The following FSTL5 variants were observed in gnomAD, a reference collection of about 807,000 sequenced individuals.
FSTL5 encodes follistatin like 5.
Under a neutral mutation model 89.1 loss-of-function variants are expected in FSTL5, and 62 were observed. The ratio of observed to expected loss-of-function variants is 0.70; its 90% CI spans 0.57 to 0.86. The LOEUF is 0.86. Ranked by LOEUF, FSTL5 falls within the 40% of genes least tolerant of loss-of-function variation. FSTL5 has a pLI of 0.00. For missense variants in FSTL5, 1,057 were observed against 1,001.6 expected (o/e 1.06, Z -0.75); for synonymous variants, 383 against 346.2 (o/e 1.11, Z -1.18).
intron 6 of FSTL5, among the ~76,000 whole-genome samples, chr4:161,721,279 C>T (rs866946134): frequency 6.0e-4 from 51 of 85,688 alleles, no homozygotes; most frequent in South Asian, 1.4e-3. Flanking sequence ...AGCGAGACTC[C>T]GTCTCAAAAA....
At chr4:161,667,420 T>C (rs1428224880) in intron 6 of FSTL5, among the ~76,000 whole-genome samples, 2 of 152,068 alleles carry the variant, frequency 1.3e-5, no homozygotes, top group Middle Eastern at 3.2e-3. Flanking sequence ...CTGTATGACT[T>C]TGAAAAATTC....
At chr4:161,404,353 T>C (rs559974867) in intron 15 of FSTL5, among the ~76,000 whole-genome samples, 1 of 152,278 alleles carries the variant, frequency 6.6e-6, no homozygotes, top group Non-Finnish European at 1.5e-5. Flanking sequence ...TTGAGAATTC[T>C]TAATGTATAG....
At chr4:161,477,184 T>C (rs1200795823) in intron 13 of FSTL5, among the ~76,000 whole-genome samples, 1 of 151,780 alleles carries the variant, frequency 6.6e-6, no homozygotes. Context: ...ATATTTTACT[T>C]TATTTTGATA....
intron 6 of FSTL5, among the ~76,000 whole-genome samples, chr4:161,723,754 C>G (rs1038009908): frequency 6.6e-6 from 1 of 152,094 alleles, no homozygotes; most frequent in African/African-American, 2.4e-5. Flanking sequence ...GATTTCTACA[C>G]AGATGTTTTC....
intron 2 of FSTL5, among the ~76,000 whole-genome samples, chr4:162,049,503 T>A (rs1738311429): frequency 6.6e-6 from 1 of 152,152 alleles, no homozygotes; most frequent in Non-Finnish European, 1.5e-5. Flanking sequence ...TTGAAAGAAT[T>A]CAAAGGTACA....
chr4:161,591,745 G>A (rs1255502873), intron 7 of FSTL5, among the ~76,000 whole-genome samples: 1 of 152,150 alleles, frequency 6.6e-6, no homozygotes, highest in South Asian at 2.1e-4. Context: ...TTATAAAGCA[G>A]TTATCTGTAT....
At chr4:161,514,616 A>G (rs1423407876) in intron 10 of FSTL5, among the ~76,000 whole-genome samples, 1 of 152,168 alleles carries the variant, frequency 6.6e-6, no homozygotes, top group East Asian at 1.9e-4. Context: ...ATAAAAGTGA[A>G]ATTTTTTAAA....
At chr4:161,612,349 T>G (rs1460866558) in intron 7 of FSTL5, among the ~76,000 whole-genome samples, 2 of 152,202 alleles carry the variant, frequency 1.3e-5, no homozygotes, top group African/African-American at 4.8e-5. Context: ...TTTATTTCAA[T>G]CAAAGTATCC....
chr4:161,736,427 G>A (rs1049755153), intron 6 of FSTL5, among the ~76,000 whole-genome samples: 2 of 152,084 alleles, frequency 1.3e-5, no homozygotes, highest in Non-Finnish European at 2.9e-5. Context: ...TACCACTTAA[G>A]AAGCAGTTTT....
chr4:161,429,283 G>A (rs1732272365), intron 15 of FSTL5, among the ~76,000 whole-genome samples: 1 of 152,178 alleles, frequency 6.6e-6, no homozygotes, highest in Non-Finnish European at 1.5e-5. Flanking sequence ...AGGGCTGGGG[G>A]AAACTCACTG....
At chr4:161,594,281 A>G (rs944345945) in intron 7 of FSTL5, among the ~76,000 whole-genome samples, 1 of 152,158 alleles carries the variant, frequency 6.6e-6, no homozygotes, top group Non-Finnish European at 1.5e-5. Context: ...ATATATGTGA[A>G]TGGCATTTGT....
In FSTL5 at chr4:162,026,304, C is replaced by CTTTTTTTTTTTTTTTTT. The variant is rs397996028; in HGVS notation, c.160+7320_160+7321insAAAAAAAAAAAAAAAAA. ...TTTCAGGAGACAGCTTATGTATTTT[C>CTTTTTTTTTTTTTTTTT]TTTTTTTTTTTTTTTCTTTTTGAGA... On this transcript the variant is annotated intron_variant, in intron 3 of 15. Coordinates refer to ENST00000306100, the MANE Select transcript of FSTL5 (RefSeq NM_020116.5). Among the ~76,000 whole-genome samples the CTTTTTTTTTTTTTTTTT allele has an allele frequency of 3.7e-3, 295 of 79,482 alleles. 113 individuals carry two copies. Among genetic ancestry groups the CTTTTTTTTTTTTTTTTT allele is most frequent in the South Asian group, 4.3e-3 (8 of 1,846 alleles). The allele number at this position is 79,482 out of a possible 152,430, so 52.1% of individuals were successfully genotyped here. A position where few individuals can be genotyped will look rare whatever the true frequency, so the allele number is the denominator to read the frequency against.
intron 3 of FSTL5, among the ~76,000 whole-genome samples, chr4:161,937,794 C>A (rs569877617): frequency 6.6e-6 from 1 of 152,268 alleles, no homozygotes; most frequent in South Asian, 2.1e-4. Flanking sequence ...AACTTAGAAG[C>A]CAAAGATCAG....
At chr4:161,878,900 C>T (rs1732537262) in intron 4 of FSTL5, among the ~76,000 whole-genome samples, 1 of 152,118 alleles carries the variant, frequency 6.6e-6, no homozygotes, top group African/African-American at 2.4e-5. Context: ...TCATTCCCAG[C>T]TTACATATGA....
chr4:161,959,305 A>G (rs1204924766), intron 3 of FSTL5, among the ~76,000 whole-genome samples: 1 of 152,126 alleles, frequency 6.6e-6, no homozygotes, highest in Non-Finnish European at 1.5e-5. Flanking sequence ...TTGATTTAAG[A>G]TACATATTTC....
chr4:161,418,267 C>T (rs1048583615), intron 15 of FSTL5, among the ~76,000 whole-genome samples: 1 of 152,074 alleles, frequency 6.6e-6, no homozygotes, highest in African/African-American at 2.4e-5. Context: ...CTCTGTCCGC[C>T]ATGACCCTGA....
chr4:161,593,687 C>A (rs1175609290), intron 7 of FSTL5, among the ~76,000 whole-genome samples: 1 of 152,038 alleles, frequency 6.6e-6, no homozygotes, highest in African/African-American at 2.4e-5. Context: ...TAGAAATCCT[C>A]AATATCATAT....
intron 8 of FSTL5, among the ~76,000 whole-genome samples, chr4:161,546,289 A>T: frequency 7.4e-6 from 1 of 135,406 alleles, no homozygotes; most frequent in South Asian, 2.4e-4. Flanking sequence ...TTATATATAC[A>T]TATTATATAT....
At chr4:161,865,979 G>A (rs1230800972) in intron 4 of FSTL5, among the ~76,000 whole-genome samples, 1 of 152,158 alleles carries the variant, frequency 6.6e-6, no homozygotes, top group Admixed American at 6.5e-5. Flanking sequence ...AGTTAGAAAA[G>A]AGGGGGCAGA....
Sources: gnomAD v4.1 joint callset for allele counts (sites outside exome capture counted in the v4.1 genomes callset) on GRCh38, gnomAD v4.1.1 for gene constraint, MANE v1.5 for transcripts, NCBI Gene and HGNC (gene_info 2026-07-23, HGNC 2026-07-21) for gene names.